SERPINB7: variants seen among roughly 807,000 people sequenced by gnomAD.
SERPINB7 encodes serpin family B member 7.
Under a neutral mutation model 37.4 loss-of-function variants are expected in SERPINB7, and 31 were observed. That is an observed-to-expected ratio of 0.83 (90% CI 0.62 to 1.12). SERPINB7 has a LOEUF of 1.12. Among genes scored for constraint, SERPINB7 ranks in the 50% most tolerant of loss-of-function variants. SERPINB7 has a pLI of 0.00. For missense variants in SERPINB7, 521 were observed against 455.3 expected (o/e 1.14, Z -1.31); for synonymous variants, 163 against 166.1 (o/e 0.98, Z 0.14).
chr18:63,798,517 A>G, intron 5 of SERPINB7, 87 bp from the exon 6 acceptor site: 1 of 1,081,770 alleles, frequency 9.2e-7, no homozygotes, highest in Non-Finnish European at 1.3e-6. Flanking sequence ...GTTAAGAAAA[A>G]AACTTCATAC....
At chr18:63,780,247 A>T (rs2049288785) in intron 1 of SERPINB7, among the ~76,000 whole-genome samples, 1 of 152,164 alleles carries the variant, frequency 6.6e-6, no homozygotes, top group East Asian at 1.9e-4. Flanking sequence ...ATTCTTTAGG[A>T]TGGAGAGAAT....
chr18:63,789,815 A>G (rs2049408468), intron 2 of SERPINB7, among the ~76,000 whole-genome samples: 1 of 152,228 alleles, frequency 6.6e-6, no homozygotes, highest in Non-Finnish European at 1.5e-5. Flanking sequence ...CTTTATCATA[A>G]CATGCATAAA....
At chr18:63,801,368 G>A (rs2049547429) in intron 7 of SERPINB7, among the ~76,000 whole-genome samples, 2 of 152,122 alleles carry the variant, frequency 1.3e-5, no homozygotes, top group African/African-American at 4.8e-5. Flanking sequence ...AGCATCTTTA[G>A]GCAGGTATGA....
upstream of SERPINB7, among the ~76,000 whole-genome samples, chr18:63,773,006 TA>T (rs2049220267): frequency 6.6e-6 from 1 of 152,108 alleles, no homozygotes; most frequent in African/African-American, 2.4e-5. Flanking sequence ...GGAGGAATTA[TA>T]GCAAAAAGAG....
chr18:63,779,691 G>A (rs574127695), intron 1 of SERPINB7, among the ~76,000 whole-genome samples: 1 of 151,526 alleles, frequency 6.6e-6, no homozygotes, highest in East Asian at 1.9e-4. Flanking sequence ...AAACATTTAT[G>A]TACTCTGTAT....
At chr18:63,783,236 A>AGAGAG (rs2049328748) in intron 2 of SERPINB7, among the ~76,000 whole-genome samples, 10 of 61,910 alleles carry the variant, frequency 1.6e-4, no homozygotes, top group South Asian at 1.4e-3. Flanking sequence ...GAGAGAGAGA[A>AGAGAG]AGAAAGAAAG....
chr18:63,783,192 GA>G (rs2049321520), intron 2 of SERPINB7, among the ~76,000 whole-genome samples: 1 of 60,788 alleles, frequency 1.6e-5, no homozygotes, highest in Non-Finnish European at 3.4e-5. Flanking sequence ...AAGAAAGAGA[GA>G]GAGAGAGAGA....
chr18:63,783,236 A>AGAGAGAGAG (rs2049328748), intron 2 of SERPINB7, among the ~76,000 whole-genome samples: 2 of 61,932 alleles, frequency 3.2e-5, no homozygotes, highest in Non-Finnish European at 7.8e-5. Flanking sequence ...GAGAGAGAGA[A>AGAGAGAGAG]AGAAAGAAAG....
intron 1 of SERPINB7, among the ~76,000 whole-genome samples, chr18:63,758,131 C>T (rs1236578473): frequency 2.6e-5 from 4 of 152,244 alleles, no homozygotes; most frequent in African/African-American, 9.6e-5. Context: ...CATGCACAAA[C>T]ACACATACTG....
intron 2 of SERPINB7, among the ~76,000 whole-genome samples, chr18:63,783,405 A>T (rs1025396787): frequency 6.6e-6 from 1 of 151,886 alleles, no homozygotes; most frequent in African/African-American, 2.4e-5. Context: ...AAGGGTTGAA[A>T]ACCACTGCCT....
chr18:63,792,515 A>G lies in SERPINB7; in HGVS notation c.219+72A>G, dbSNP rs1418158715. 6.8e-6 allele frequency: 7 copies of G among 1,030,662 alleles called. No individual in the cohort carries two copies. The East Asian group carries it at 1.7e-4, about 25-fold the overall frequency. The allele number at this position is 1,030,662 out of a possible 1,614,324, so 63.8% of individuals were successfully genotyped here. On this transcript the variant is annotated intron_variant, in intron 3 of 7. Transcript: ENST00000398019. ...CAGGGGCTCAAGCCTGTAATACCAGAACTTTGGAAGGCTGAGGCGGGTGGA... is the reference window on the plus strand; with the variant it reads ...CAGGGGCTCAAGCCTGTAATACCAGGACTTTGGAAGGCTGAGGCGGGTGGA...
Position 63,796,316 on chromosome 18 carries a change from TG to T in SERPINB7, c.388del (p.Asp130ThrfsTer6). On this transcript the variant is annotated frameshift_variant, in exon 5 of 8. Transcript: ENST00000398019. LOFTEE classifies it high-confidence loss of function. ...TATACGATGCCAAAGTGGAGCGAGT[TG>T]ACTTTACGAATCATTTAGAAGACAC... Reference protein sequence around the residue: ...KLYDAKVERVDFTNHLEDTRR... With the variant: ...KLYDAKVERVXFTNHLEDTRR... 2 of 1,613,464 alleles carry T rather than the reference TG, an allele frequency of 1.2e-6. No homozygotes were observed. Among genetic ancestry groups the T allele is most frequent in the Non-Finnish European group, 1.7e-6 (2 of 1,179,540 alleles).
At chr18:63,781,827 A>G (rs1227415894) in intron 1 of SERPINB7, among the ~76,000 whole-genome samples, 1 of 152,224 alleles carries the variant, frequency 6.6e-6, no homozygotes, top group Non-Finnish European at 1.5e-5. Context: ...GGGACCAATG[A>G]TGCATAATAC....
intron 5 of SERPINB7, among the ~76,000 whole-genome samples, chr18:63,797,718 T>C (rs568871951): frequency 1.3e-5 from 2 of 152,346 alleles, no homozygotes; most frequent in African/African-American, 4.8e-5. Context: ...AGATCCATCA[T>C]GACCATGACC....
At chr18:63,801,955 C>G (rs1210051612) in intron 7 of SERPINB7, among the ~76,000 whole-genome samples, 1 of 152,070 alleles carries the variant, frequency 6.6e-6, no homozygotes, top group Non-Finnish European at 1.5e-5. Flanking sequence ...ATCATGTGGT[C>G]TTTCATTAGT....
chr18:63,792,805 A>G (rs1484566792), intron 3 of SERPINB7, among the ~76,000 whole-genome samples: 1 of 152,158 alleles, frequency 6.6e-6, no homozygotes, highest in Non-Finnish European at 1.5e-5. Context: ...GTAATATTTT[A>G]TTTGCATATT....
intron 1 of SERPINB7, among the ~76,000 whole-genome samples, chr18:63,754,309 T>C (rs560708031): frequency 1.2e-3 from 184 of 152,324 alleles, no homozygotes; most frequent in Non-Finnish European, 2.0e-3. Context: ...GAATATGTAG[T>C]TTCATTTATG....
chr18:63,782,653 C>A, intron 2 of SERPINB7, 113 bp downstream of exon 2: 1 of 939,998 alleles, frequency 1.1e-6, no homozygotes, highest in Non-Finnish European at 1.6e-6. Flanking sequence ...CAAGGTGTCA[C>A]ATCTTCACAC....
upstream of SERPINB7, among the ~76,000 whole-genome samples, chr18:63,774,144 A>G (rs1170671520): frequency 9.9e-5 from 15 of 152,048 alleles, no homozygotes; most frequent in Non-Finnish European, 4.4e-5. Flanking sequence ...CACAACTGCT[A>G]AATCAAAATT....
Sources: allele counts gnomAD v4.1 joint callset (sites outside exome capture counted in the v4.1 genomes callset), GRCh38; gene constraint gnomAD v4.1.1; transcripts MANE v1.5; gene names NCBI Gene and HGNC (gene_info 2026-07-23, HGNC 2026-07-21).